Variants in RHOBTB1 observed in about 807,000 individuals in gnomAD.
RHOBTB1 encodes Rho related BTB domain containing 1.
Under a neutral mutation model 71.6 loss-of-function variants are expected in RHOBTB1, and 40 were observed. That is an observed-to-expected ratio of 0.56 (90% CI 0.43 to 0.73). The LOEUF is 0.73. RHOBTB1 is among the 30% of genes least tolerant of loss of function. RHOBTB1 has a pLI of 0.00. For missense variants in RHOBTB1, 797 were observed against 894.0 expected, an observed-to-expected ratio of 0.89 and a Z score of 1.38; for synonymous variants, 319 against 334.9, an observed-to-expected ratio of 0.95 and a Z score of 0.52.
intron 4 of RHOBTB1, among the ~76,000 whole-genome samples, chr10:60,898,473 A>G (rs527943994): frequency 1.3e-5 from 2 of 152,260 alleles, no homozygotes; most frequent in South Asian, 2.1e-4. Flanking sequence ...TTAGTAGGGG[A>G]GCAGCCCAGT....
chr10:60,906,977 T>A (rs1330406680), intron 4 of RHOBTB1, among the ~76,000 whole-genome samples: 1 of 152,212 alleles, frequency 6.6e-6, no homozygotes, highest in South Asian at 2.1e-4. Context: ...TGAGAGCAGG[T>A]CTTTCTCATG....
intron 7 of RHOBTB1, among the ~76,000 whole-genome samples, chr10:60,881,720 G>T (rs1045041459): frequency 6.6e-6 from 1 of 152,056 alleles, no homozygotes; most frequent in Admixed American, 6.6e-5. Context: ...GCGTTTTTTG[G>T]CAAGAGTGTG....
intron 2 of RHOBTB1, among the ~76,000 whole-genome samples, chr10:60,985,556 T>C (rs1308919339): frequency 1.3e-5 from 2 of 152,244 alleles, no homozygotes; most frequent in African/African-American, 2.4e-5. Context: ...GAATTTTAAC[T>C]GTGTATAAAG....
At chr10:60,862,383 A>C in the RHOBTB1 span, among the ~76,000 whole-genome samples, 1 of 151,970 alleles carries the variant, frequency 6.6e-6, no homozygotes, top group Non-Finnish European at 1.5e-5. Context: ...TTTTTAGTAG[A>C]GATAGCGTTT....
At chr10:60,866,316 G>T (rs547328319), downstream of RHOBTB1, among the ~76,000 whole-genome samples, 4 of 152,308 alleles carry the variant, frequency 2.6e-5, no homozygotes, top group South Asian at 8.3e-4. Context: ...TTGTAAAATG[G>T]CTGGATTTCC....
intron 2 of RHOBTB1, among the ~76,000 whole-genome samples, chr10:60,952,613 T>G (rs919814166): frequency 1.3e-5 from 2 of 152,222 alleles, no homozygotes; most frequent in African/African-American, 4.8e-5. Context: ...AGAGAAAGAT[T>G]CTACTTTCAT....
chr10:60,932,326 G>A (rs1470577239), intron 2 of RHOBTB1, among the ~76,000 whole-genome samples: 2 of 152,028 alleles, frequency 1.3e-5, no homozygotes, highest in Non-Finnish European at 2.9e-5. Context: ...GACATAAAAT[G>A]TGAGGTGTTT....
rs1048138390 is a variant in RHOBTB1 at position 60,892,901 on chromosome 10, G to A, written c.391C>T (p.Pro131Ser). 1 of 1,614,058 alleles carries A rather than the reference G, an allele frequency of 6.2e-7. No individual in the cohort carries two copies. The highest frequency in any genetic ancestry group is 8.5e-7 in the Non-Finnish European group (1 of 1,179,982). Reference sequence around the variant, plus strand: ...CCAACAAGGATAACGGGTGTTCGAGGGCAAAAGTGCTTGATTTCTGGATAC... The same window carrying A: ...CCAACAAGGATAACGGGTGTTCGAGAGCAAAAGTGCTTGATTTCTGGATAC... ...MWYPEIKHFC[P>S]RTPVILVGCQ... The change falls in exon 5 of 11, where the codon CCT becomes TCT. Residue 131 changes from proline (P) to serine (S), a missense_variant. Around this residue, in one of 2 missense-constraint regions of RHOBTB1, gnomAD observed 139 missense variants for 212.5 expected, o/e 0.65. Transcript: ENST00000337910.
At chr10:61,001,590 C>G (rs1367203964), upstream of RHOBTB1, 1 of 152,250 alleles carries the variant, frequency 6.6e-6, no homozygotes, top group Non-Finnish European at 1.5e-5. Flanking sequence ...GCTCCCGGCC[C>G]GGCAGCCGCC....
intron 2 of RHOBTB1, among the ~76,000 whole-genome samples, chr10:60,934,992 G>C (rs2084490825): frequency 6.6e-6 from 1 of 152,208 alleles, no homozygotes; most frequent in Non-Finnish European, 1.5e-5. Flanking sequence ...CTGCTCATTA[G>C]ACTCACTGGG....
chr10:60,950,524 A>G (rs2085375094), intron 2 of RHOBTB1, among the ~76,000 whole-genome samples: 1 of 152,220 alleles, frequency 6.6e-6, no homozygotes, highest in Admixed American at 6.5e-5. Context: ...CAGAAAGAGA[A>G]AGAAAGCGGT....
Position 60,928,387 on chromosome 10 carries a change from C to T in RHOBTB1, c.-11+13417G>A, listed in dbSNP as rs78732863. Among the ~76,000 whole-genome samples, 968 of 151,972 alleles carry T rather than the reference C, an allele frequency of 6.4e-3. 30 individuals are homozygous for T. The East Asian group carries it at 0.09, about 14-fold the overall frequency. ...GATATCTGCATTCCCATGTTTACTG[C>T]AGCACTACTTACAATAACCAAGATA... On this transcript the variant is annotated intron_variant, in intron 2 of 10. Transcript: ENST00000337910.
intron 8 of RHOBTB1, among the ~76,000 whole-genome samples, chr10:60,876,034 C>T (rs1337811466): frequency 6.6e-6 from 1 of 152,198 alleles, no homozygotes; most frequent in Non-Finnish European, 1.5e-5. Context: ...ATGCCTATAT[C>T]TGGTCAATAC....
chr10:60,937,599 C>T (rs1278034819), intron 2 of RHOBTB1, among the ~76,000 whole-genome samples: 1 of 152,130 alleles, frequency 6.6e-6, no homozygotes, highest in Non-Finnish European at 1.5e-5. Flanking sequence ...GCTTGGTATT[C>T]GTTTGCAGCA....
intron 2 of RHOBTB1, among the ~76,000 whole-genome samples, chr10:60,916,341 C>T (rs2083268952): frequency 6.6e-6 from 1 of 152,206 alleles, no homozygotes; most frequent in Non-Finnish European, 1.5e-5. Flanking sequence ...CTGGATAATG[C>T]AAAGCCATCT....
chr10:60,907,366 T>A (rs529612121), intron 4 of RHOBTB1, among the ~76,000 whole-genome samples: 15 of 152,172 alleles, frequency 9.9e-5, no homozygotes, highest in African/African-American at 3.6e-4. Context: ...TTGAGCGACA[T>A]CCCTTTAAGA....
intron 1 of RHOBTB1, among the ~76,000 whole-genome samples, chr10:61,000,174 A>G (rs1187097272): frequency 6.6e-5 from 10 of 152,212 alleles, no homozygotes; most frequent in Non-Finnish European, 1.2e-4. Context: ...GTGGTAAACA[A>G]TGCTTTGGGG....
chr10:60,906,289 C>T (rs186981078), intron 4 of RHOBTB1, among the ~76,000 whole-genome samples: 40 of 152,308 alleles, frequency 2.6e-4, no homozygotes, highest in African/African-American at 8.7e-4. Context: ...AGGACTCATG[C>T]TCCGCTACTT....
intron 2 of RHOBTB1, among the ~76,000 whole-genome samples, chr10:60,979,084 G>A (rs1042602295): frequency 5.3e-5 from 8 of 152,030 alleles, no homozygotes; most frequent in African/African-American, 1.7e-4. Flanking sequence ...GTATTTTCTC[G>A]AACCAGGTTC....
Sources: allele counts gnomAD v4.1 joint callset (sites outside exome capture counted in the v4.1 genomes callset), GRCh38; gene constraint gnomAD v4.1.1; regional missense constraint gnomAD v4.1.1; transcripts MANE v1.5; gene names NCBI Gene and HGNC (gene_info 2026-07-23, HGNC 2026-07-21).